The following GNB1 variants were observed in gnomAD, a reference collection of about 807,000 sequenced individuals.
The protein encoded by GNB1 is G protein subunit beta 1.
In GNB1, 2 loss-of-function variants were observed where a neutral mutation model predicts 42.9. The observed-to-expected ratio is 0.05, with a 90% CI of 0.02 to 0.15. GNB1 has a LOEUF of 0.15. GNB1 is among the 10% of genes least tolerant of loss of function. The pLI is 1.00. For synonymous variants in GNB1, 183 were observed against 174.7 expected (o/e 1.05, Z -0.38); for missense variants, 193 against 462.2 (o/e 0.42, Z 5.34).
chr1:1,818,049 T>C, intron 3 of GNB1, 174 bp from the exon 4 acceptor site: 1 of 580,160 alleles, frequency 1.7e-6, no homozygotes, highest in Non-Finnish European at 3.2e-6. Flanking sequence ...CTACCATCTG[T>C]GGACTGTCCA....
intron 7 of GNB1, among the ~76,000 whole-genome samples, chr1:1,800,840 A>C (rs903216644): frequency 2.0e-5 from 3 of 152,260 alleles, no homozygotes; most frequent in Admixed American, 6.5e-5. Context: ...TTCAAGAATA[A>C]AGGCAAAATA....
chr1:1,882,009 CTCT>C (rs1269150999), intron 1 of GNB1, among the ~76,000 whole-genome samples: 2 of 152,116 alleles, frequency 1.3e-5, no homozygotes, highest in Non-Finnish European at 2.9e-5. Context: ...TGCCACTGAA[CTCT>C]GGACAGGGTG....
At chr1:1,856,074 G>T (rs1648280453) in intron 1 of GNB1, among the ~76,000 whole-genome samples, 1 of 152,240 alleles carries the variant, frequency 6.6e-6, no homozygotes, top group Admixed American at 6.5e-5. Context: ...CCAGGCTAGA[G>T]TGCAGTGGCA....
chr1:1,813,466 C>A (rs1185172347), intron 5 of GNB1, among the ~76,000 whole-genome samples: 5 of 152,108 alleles, frequency 3.3e-5, no homozygotes, highest in Admixed American at 2.6e-4. Context: ...TTTGAATTCA[C>A]AAAGTATATT....
chr1:1,812,958 C>CATATTA (rs1646803109), intron 5 of GNB1, among the ~76,000 whole-genome samples: 1 of 151,996 alleles, frequency 6.6e-6, no homozygotes, highest in Non-Finnish European at 1.5e-5. Context: ...GTGAAGGAGA[C>CATATTA]ATATTACTTG....
chr1:1,888,001 A>G (rs1367356701), intron 1 of GNB1, among the ~76,000 whole-genome samples: 1 of 152,246 alleles, frequency 6.6e-6, no homozygotes, highest in East Asian at 1.9e-4. Flanking sequence ...TAAATCTGAG[A>G]AAATTTACTT....
At chr1:1,802,105 A>C (rs1646634105) in intron 7 of GNB1, among the ~76,000 whole-genome samples, 1 of 152,206 alleles carries the variant, frequency 6.6e-6, no homozygotes, top group African/African-American at 2.4e-5. Context: ...AAAGTTAGAA[A>C]ATCCATAATC....
At chr1:1,796,468 C>A (rs1226956383) in intron 7 of GNB1, among the ~76,000 whole-genome samples, 1 of 152,220 alleles carries the variant, frequency 6.6e-6, no homozygotes, top group Non-Finnish European at 1.5e-5. Flanking sequence ...GTCCCAGCCT[C>A]CCCATGTAAC....
intron 6 of GNB1, among the ~76,000 whole-genome samples, chr1:1,805,892 A>G (rs902566614): frequency 6.6e-6 from 1 of 152,174 alleles, no homozygotes; most frequent in African/African-American, 2.4e-5. Flanking sequence ...CCTACAATCT[A>G]CCCTGCCACA....
At chr1:1,817,816 C>T (rs1201452313) in intron 4 of GNB1, 21 bp downstream of exon 4, 16 of 1,588,262 alleles carry the variant, frequency 1.0e-5, no homozygotes, top group South Asian at 2.2e-5. Flanking sequence ...GATGGCTCTG[C>T]GTGACTCAGT....
At chr1:1,882,860 G>C (rs1006106996) in intron 1 of GNB1, among the ~76,000 whole-genome samples, 3 of 151,566 alleles carry the variant, frequency 2.0e-5, no homozygotes, top group African/African-American at 7.3e-5. Context: ...GGTGGAGGTT[G>C]CAGTGAGCCG....
chr1:1,802,134 G>C (rs1405761895), intron 7 of GNB1, among the ~76,000 whole-genome samples: 1 of 152,216 alleles, frequency 6.6e-6, no homozygotes, highest in East Asian at 1.9e-4. Flanking sequence ...AGCCCTGCAT[G>C]AGCATTTCAT....
At chr1:1,857,105 T>C (rs1000052204) in intron 1 of GNB1, among the ~76,000 whole-genome samples, 5 of 152,230 alleles carry the variant, frequency 3.3e-5, no homozygotes, top group African/African-American at 9.6e-5. Flanking sequence ...CTACATCTTT[T>C]AGGAAATCAT....
chr1:1,860,566 G>A (rs1403706048), intron 1 of GNB1, among the ~76,000 whole-genome samples: 1 of 151,548 alleles, frequency 6.6e-6, no homozygotes, highest in East Asian at 1.9e-4. Context: ...CAACCTTGGA[G>A]GCGGAGCTTG....
intron 1 of GNB1, among the ~76,000 whole-genome samples, chr1:1,882,205 T>C (rs979744084): frequency 6.6e-6 from 1 of 152,022 alleles, no homozygotes; most frequent in Admixed American, 6.6e-5. Context: ...TCCTAACACT[T>C]TGGGAGGCCA....
chr1:1,835,069 T>G (rs1647127268), intron 2 of GNB1, among the ~76,000 whole-genome samples: 1 of 152,188 alleles, frequency 6.6e-6, no homozygotes, highest in African/African-American at 2.4e-5. Context: ...AATCTTTGTT[T>G]TTACATTTAC....
chr1:1,811,090 T>C (rs1646771584), intron 5 of GNB1, among the ~76,000 whole-genome samples: 1 of 148,616 alleles, frequency 6.7e-6, no homozygotes. Context: ...TATTTTTTTT[T>C]TTTTTCTTTT....
intron 3 of GNB1, among the ~76,000 whole-genome samples, chr1:1,823,965 C>T (rs775439758): frequency 3.3e-5 from 5 of 152,146 alleles, no homozygotes; most frequent in Non-Finnish European, 4.4e-5. Context: ...CTCCTGGGCT[C>T]AAGTGATCCT....
At chr1:1,829,582 A>C (rs1647048188) in intron 2 of GNB1, among the ~76,000 whole-genome samples, 1 of 152,158 alleles carries the variant, frequency 6.6e-6, no homozygotes, top group Non-Finnish European at 1.5e-5. Context: ...ACTTAAGGGA[A>C]GCAAACAACC....
Sources: allele counts gnomAD v4.1 joint callset (sites outside exome capture counted in the v4.1 genomes callset), GRCh38; gene constraint gnomAD v4.1.1; transcripts MANE v1.5; gene names NCBI Gene and HGNC (gene_info 2026-07-23, HGNC 2026-07-21).